DNAJC5B: variants seen among roughly 807,000 people sequenced by gnomAD.
DNAJC5B encodes the protein DnaJ heat shock protein family (Hsp40) member C5 beta.
DNAJC5B carries 23 observed loss-of-function variants against 24.7 expected under a neutral mutation model. The observed-to-expected ratio is 0.93, with a 90% confidence interval of 0.67 to 1.32. The LOEUF is 1.32. DNAJC5B is among the 40% of genes most tolerant of loss of function. The probability of loss-of-function intolerance (pLI) is 0.00; values close to 1 mark genes in which losing one functional copy is unlikely to be tolerated. For missense variants in DNAJC5B, 238 were observed against 240.8 expected, an observed-to-expected ratio of 0.99 and a Z score of 0.08; for synonymous variants, 101 against 90.1, an observed-to-expected ratio of 1.12 and a Z score of -0.68.
chr8:66,027,595 A>C (rs543132418), intron 1 of DNAJC5B, among the ~76,000 whole-genome samples: 4 of 152,356 alleles, frequency 2.6e-5, no homozygotes, highest in African/African-American at 9.6e-5. Flanking sequence ...TCAGGAAAAC[A>C]GACGTTTTAG....
rs114795427 is a variant in DNAJC5B, at chr8:66,026,925, G to C, written c.-142+5220G>C. On this transcript the variant is annotated intron_variant, in intron 1 of 5. Transcript: ENST00000276570. ...TGCTCCAGAGAGTAGAACCCAATGTGCTTTAATTTTTATTGTATTTGTATA... is the reference window on the plus strand; with the variant it reads ...TGCTCCAGAGAGTAGAACCCAATGTCCTTTAATTTTTATTGTATTTGTATA... Among the ~76,000 whole-genome samples, 1,481 of 152,284 alleles carry C rather than the reference G, an allele frequency of 9.7e-3. 24 individuals are homozygous for C. The highest frequency in any genetic ancestry group is 0.034 in the African/African-American group (1,400 of 41,558).
Position 66,052,553 on chromosome 8 carries a change from A to C in DNAJC5B, c.119+887A>C, listed in dbSNP as rs1476385947. Among the ~76,000 whole-genome samples, 5 of 152,312 alleles carry C rather than the reference A, an allele frequency of 3.3e-5. No individual in the cohort carries two copies. The East Asian group carries it at 9.6e-4, about 29-fold the overall frequency. ...AAGGGGCAAATCCCCAACTCAAAGC[A>C]CAAAAAAAATCATCTTCTTCTACAC... is the stretch of plus-strand genomic sequence containing the variant. On this transcript the variant is annotated intron_variant, in intron 3 of 5. Coordinates refer to ENST00000276570, the MANE Select transcript of DNAJC5B (RefSeq NM_033105.6).
chr8:66,075,300 G>A (rs1409153298), intron 3 of DNAJC5B, among the ~76,000 whole-genome samples: 2 of 151,986 alleles, frequency 1.3e-5, no homozygotes, highest in African/African-American at 4.8e-5. Flanking sequence ...CTGTCTGCCT[G>A]GAGATTTCTT....
At chr8:66,068,610 T>C (rs549377955) in intron 3 of DNAJC5B, among the ~76,000 whole-genome samples, 32 of 151,866 alleles carry the variant, frequency 2.1e-4, no homozygotes, top group African/African-American at 4.6e-4. Flanking sequence ...ACATAGAAGA[T>C]TTATTAAGTT....
chr8:66,095,517 CTTTCT>C (rs2128967168), intron 5 of DNAJC5B, among the ~76,000 whole-genome samples: 1 of 151,550 alleles, frequency 6.6e-6, no homozygotes, highest in South Asian at 2.1e-4. Context: ...TTCTTTCTTT[CTTTCT>C]TATTTCTCAG....
Position 66,076,757 on chromosome 8 carries a change from G to A in DNAJC5B, c.217G>A (p.Asp73Asn), listed in dbSNP as rs763073731. ...CAACAACGCCCACGCAATACTTACC[G>A]ACATTTCAAAGAGAAGCATATACGA... ...EINNAHAILTDISKRSIYDKY... is the reference protein window; with the variant it reads ...EINNAHAILTNISKRSIYDKY... Residue 73 changes from aspartate to asparagine, a missense_variant, in exon 4 of 6, where the codon GAC (aspartate) becomes AAC (asparagine). Physicochemically the swap from Asp to Asn is conservative, Grantham distance 23 (BLOSUM62 1). Transcript: ENST00000276570. 1 of 1,614,164 alleles carries A rather than the reference G, an allele frequency of 6.2e-7. No individual in the cohort carries two copies.
At chr8:66,092,927 G>A (rs912400859) in intron 5 of DNAJC5B, among the ~76,000 whole-genome samples, 4 of 151,366 alleles carry the variant, frequency 2.6e-5, no homozygotes, top group African/African-American at 9.8e-5. Context: ...CAGGTAGTGA[G>A]CATAGTACCC....
At chr8:66,023,573 T>A (rs545427297) in intron 1 of DNAJC5B, among the ~76,000 whole-genome samples, 115 of 152,352 alleles carry the variant, frequency 7.5e-4, no homozygotes, top group African/African-American at 2.7e-3. Flanking sequence ...TATACGGTCT[T>A]CCTGTGGCCT....
chr8:66,034,961 GT>G (rs1462596627), intron 1 of DNAJC5B, among the ~76,000 whole-genome samples: 3 of 152,172 alleles, frequency 2.0e-5, no homozygotes, highest in Admixed American at 6.5e-5. Context: ...GGGTCATCTT[GT>G]CCTCAATAAT....
intron 3 of DNAJC5B, among the ~76,000 whole-genome samples, chr8:66,071,267 A>G (rs1350043110): frequency 6.6e-6 from 1 of 152,258 alleles, no homozygotes; most frequent in Non-Finnish European, 1.5e-5. Flanking sequence ...CAGGCAACCT[A>G]CAGAATGGGA....
intron 3 of DNAJC5B, among the ~76,000 whole-genome samples, chr8:66,067,210 C>A (rs1440129891): frequency 6.7e-6 from 1 of 149,780 alleles, no homozygotes; most frequent in African/African-American, 2.5e-5. Flanking sequence ...CCGCCCCCCA[C>A]CCCCACATAT....
intron 3 of DNAJC5B, among the ~76,000 whole-genome samples, chr8:66,066,107 G>A (rs1457325497): frequency 3.9e-5 from 6 of 152,058 alleles, no homozygotes; most frequent in Non-Finnish European, 7.4e-5. Flanking sequence ...ATATACAAAT[G>A]GCCAACAAAC....
chr8:66,062,017 T>C (rs13279522), intron 3 of DNAJC5B, among the ~76,000 whole-genome samples: 48,883 of 152,082 alleles, frequency 0.32, 11,751 homozygotes, highest in African/African-American at 0.67. Flanking sequence ...ACTGCGCTGT[T>C]CCAGCAGAGC....
intron 1 of DNAJC5B, among the ~76,000 whole-genome samples, chr8:66,026,560 G>T (rs1806248325): frequency 6.6e-6 from 1 of 152,248 alleles, no homozygotes; most frequent in Non-Finnish European, 1.5e-5. Flanking sequence ...GCCTTGGCAG[G>T]CGGCCACACT....
At chr8:66,072,301 A>G (rs1586100848) in intron 3 of DNAJC5B, among the ~76,000 whole-genome samples, 1 of 152,358 alleles carries the variant, frequency 6.6e-6, no homozygotes, top group Middle Eastern at 3.4e-3. Flanking sequence ...AACTTTAAGG[A>G]GAAATCTGCA....
At chr8:66,035,437 C>T (rs904048023) in intron 1 of DNAJC5B, among the ~76,000 whole-genome samples, 8 of 152,050 alleles carry the variant, frequency 5.3e-5, no homozygotes, top group East Asian at 1.9e-4. Context: ...GCCCTTAATC[C>T]GATATGACTG....
At chr8:66,076,555 A>C in intron 3 of DNAJC5B, 105 bp from the exon 4 acceptor site, 1 of 1,181,520 alleles carries the variant, frequency 8.5e-7, no homozygotes, top group Non-Finnish European at 1.2e-6. Flanking sequence ...ATTTCACAGT[A>C]TTTGCGCTAA....
intron 5 of DNAJC5B, among the ~76,000 whole-genome samples, chr8:66,098,445 C>T (rs1298203652): frequency 6.6e-6 from 1 of 152,104 alleles, no homozygotes; most frequent in Non-Finnish European, 1.5e-5. Flanking sequence ...TCATGATCCA[C>T]CTGCTTCGGC....
intron 3 of DNAJC5B, among the ~76,000 whole-genome samples, chr8:66,070,065 T>C (rs949126289): frequency 1.3e-5 from 2 of 152,158 alleles, no homozygotes; most frequent in Admixed American, 1.3e-4. Context: ...TATGTCAAGA[T>C]AATAAGAGCT....
Sources: gnomAD v4.1 joint callset for allele counts (sites outside exome capture counted in the v4.1 genomes callset) on GRCh38, gnomAD v4.1.1 for gene constraint, MANE v1.5 for transcripts, NCBI Gene and HGNC (gene_info 2026-07-23, HGNC 2026-07-21) for gene names.